The following KDM4C variants were observed in gnomAD, a reference collection of about 807,000 sequenced individuals.
The protein encoded by KDM4C is lysine demethylase 4C.
A neutral mutation model predicts 129.3 loss-of-function variants in KDM4C; 81 were observed. The observed-to-expected ratio is 0.63, with a 90% CI of 0.52 to 0.75. The LOEUF (loss-of-function observed/expected upper bound fraction) is 0.75. KDM4C is among the 30% of genes least tolerant of loss of function. The pLI is 0.00. For synonymous variants in KDM4C, 573 were observed against 456.1 expected, an observed-to-expected ratio of 1.26 and a Z score of -3.26; for missense variants, 1,457 against 1,304.0, an observed-to-expected ratio of 1.12 and a Z score of -1.81.
intron 9 of KDM4C, 21 bp from the exon 10 acceptor site, chr9:6,984,145 C>G: frequency 6.6e-7 from 1 of 1,523,344 alleles, no homozygotes. Context: ...CCGCTCTGAC[C>G]ACTGCTTCTC....
intron 12 of KDM4C, among the ~76,000 whole-genome samples, chr9:6,990,822 T>C (rs115021112): frequency 1.4e-4 from 22 of 152,320 alleles, no homozygotes; most frequent in African/African-American, 5.1e-4. Flanking sequence ...GACTCATTTC[T>C]CTAAAGGTGT....
chr9:7,034,915 C>G (rs933673910), intron 15 of KDM4C, among the ~76,000 whole-genome samples: 2 of 152,108 alleles, frequency 1.3e-5, no homozygotes, highest in Non-Finnish European at 1.5e-5. Flanking sequence ...TTTACATTTC[C>G]CTGGTGATGT....
intron 4 of KDM4C, among the ~76,000 whole-genome samples, chr9:6,822,086 G>A (rs1341845217): frequency 5.3e-5 from 8 of 152,296 alleles, no homozygotes; most frequent in African/African-American, 1.9e-4. Context: ...ACTCTCAAAG[G>A]CATGGGGCGA....
chr9:7,042,582 A>T (rs1036104183), intron 15 of KDM4C, among the ~76,000 whole-genome samples: 5 of 152,014 alleles, frequency 3.3e-5, no homozygotes, highest in Non-Finnish European at 7.4e-5. Context: ...TTGATTATTT[A>T]TGGAAATGAG....
In KDM4C at chr9:6,793,001, G is replaced by T; in HGVS notation, c.13G>T (p.Glu5Ter). 1 of 1,614,138 alleles carries T rather than the reference G, an allele frequency of 6.2e-7. No individual in the cohort carries two copies. Among genetic ancestry groups the T allele is most frequent in the Non-Finnish European group, 8.5e-7 (1 of 1,180,034 alleles). ...TGCCCTAACCATCATGGAGGTGGCC[G>T]AGGTGGAAAGTCCTCTGAACCCCAG... The part of the protein sequence containing the change: MEVA[E>*]VESPLNPSCK... The change falls in exon 2 of 22, where the codon GAG becomes TAG. Residue 5 changes from glutamate to a stop codon, truncating the protein, a stop_gained. Coordinates refer to ENST00000381309, the MANE Select transcript of KDM4C (RefSeq NM_015061.6). LOFTEE classifies it high-confidence loss of function.
chr9:6,784,383 C>T (rs1825023013), intron 1 of KDM4C, among the ~76,000 whole-genome samples: 1 of 152,100 alleles, frequency 6.6e-6, no homozygotes, highest in African/African-American at 2.4e-5. Flanking sequence ...TACATGCCAC[C>T]ATGCCTGGCT....
chr9:7,161,593 C>A (rs972047831), intron 19 of KDM4C, among the ~76,000 whole-genome samples: 3 of 152,192 alleles, frequency 2.0e-5, no homozygotes, highest in Non-Finnish European at 1.5e-5. Context: ...ACCCTGAAGA[C>A]CTGCACCCCA....
chr9:6,904,085 C>T (rs1817869791), intron 8 of KDM4C, among the ~76,000 whole-genome samples: 1 of 151,926 alleles, frequency 6.6e-6, no homozygotes. Flanking sequence ...GCGAAAAATA[C>T]AAAAATTAGC....
chr9:6,780,461 C>G (rs1205567496), intron 1 of KDM4C, among the ~76,000 whole-genome samples: 1 of 151,402 alleles, frequency 6.6e-6, no homozygotes, highest in Non-Finnish European at 1.5e-5. Flanking sequence ...AAAAACAAAC[C>G]CACAAAAAAA....
At chr9:6,725,266 G>A (rs188562283) in intron 1 of KDM4C, among the ~76,000 whole-genome samples, 152 of 151,954 alleles carry the variant, frequency 1.0e-3, no homozygotes, top group African/African-American at 3.6e-3. Context: ...CAGGAGGGAC[G>A]ACTTTAACTT....
chr9:7,028,662 G>A (rs1225747706), intron 15 of KDM4C, among the ~76,000 whole-genome samples: 1 of 152,110 alleles, frequency 6.6e-6, no homozygotes, highest in East Asian at 1.9e-4. Flanking sequence ...AGGAGTTGCA[G>A]TTCTTGTGGC....
chr9:7,149,258 C>T (rs754981104), intron 19 of KDM4C, among the ~76,000 whole-genome samples: 2 of 152,240 alleles, frequency 1.3e-5, no homozygotes, highest in Non-Finnish European at 1.5e-5. Flanking sequence ...CCGGCTGGGT[C>T]GCTACAGTGC....
intron 18 of KDM4C, among the ~76,000 whole-genome samples, chr9:7,112,200 A>G (rs1004541280): frequency 6.6e-6 from 1 of 152,236 alleles, no homozygotes; most frequent in African/African-American, 2.4e-5. Context: ...TCCTTCATCC[A>G]TGTTCCCCGG....
intron 8 of KDM4C, chr9:6,902,836 A>C (rs1817636607): frequency 6.6e-6 from 1 of 152,186 alleles, no homozygotes; most frequent in Non-Finnish European, 1.5e-5. Context: ...CTTTTTTGCT[A>C]AAATGAAGGC....
At chr9:6,741,343 A>C (rs529103910) in intron 1 of KDM4C, among the ~76,000 whole-genome samples, 41 of 152,140 alleles carry the variant, frequency 2.7e-4, no homozygotes, top group South Asian at 1.9e-3. Flanking sequence ...TGCAGTGGGC[A>C]GAGATTGCGA....
At chr9:7,075,105 C>T (rs900716015) in intron 17 of KDM4C, among the ~76,000 whole-genome samples, 2 of 152,054 alleles carry the variant, frequency 1.3e-5, no homozygotes, top group Admixed American at 6.6e-5. Context: ...AGAAAGCATC[C>T]CAGCTGTGAT....
chr9:6,934,964 A>C (rs11788687), intron 8 of KDM4C, among the ~76,000 whole-genome samples: 1 of 151,208 alleles, frequency 6.6e-6, no homozygotes, highest in Non-Finnish European at 1.5e-5. Context: ...TTTTTCTTTC[A>C]GTAGTGATTT....
At chr9:6,734,010 G>C (rs868258359) in intron 1 of KDM4C, among the ~76,000 whole-genome samples, 1 of 152,132 alleles carries the variant, frequency 6.6e-6, no homozygotes, top group African/African-American at 2.4e-5. Context: ...GTCTTTATGA[G>C]CTATATCTTG....
chr9:7,034,439 G>A (rs1646693664), intron 15 of KDM4C, among the ~76,000 whole-genome samples: 1 of 152,138 alleles, frequency 6.6e-6, no homozygotes, highest in Admixed American at 6.5e-5. Flanking sequence ...ATCCACATAT[G>A]AGTGAGAATG....
Sources: gnomAD v4.1 joint callset for allele counts (sites outside exome capture counted in the v4.1 genomes callset) on GRCh38, gnomAD v4.1.1 for gene constraint, MANE v1.5 for transcripts, NCBI Gene and HGNC (gene_info 2026-07-23, HGNC 2026-07-21) for gene names.